The following SASH1 variants were observed in gnomAD, a reference collection of about 807,000 sequenced individuals.
SASH1 encodes SAM and SH3 domain containing 1, also known as SAM and SH3 domain-containing protein 1.
SASH1 carries 44 observed loss-of-function variants against 125.2 expected under a neutral mutation model. The ratio of observed to expected loss-of-function variants is 0.35; its 90% CI spans 0.28 to 0.45. SASH1 has a LOEUF of 0.45. SASH1 is among the 20% of genes least tolerant of loss of function. SASH1 has a pLI of 1.00. For missense variants in SASH1, 1,426 were observed against 1,614.5 expected (o/e 0.88, Z 2.00); for synonymous variants, 639 against 649.1 (o/e 0.98, Z 0.24).
At chr6:148,475,993 T>A (rs1416497444) in intron 7 of SASH1, among the ~76,000 whole-genome samples, 4 of 152,146 alleles carry the variant, frequency 2.6e-5, no homozygotes, top group Admixed American at 2.6e-4. Flanking sequence ...TTCCACATAG[T>A]ACTGAAAGTC....
intron 1 of SASH1, among the ~76,000 whole-genome samples, chr6:148,380,461 C>A (rs1481427985): frequency 6.6e-6 from 1 of 152,162 alleles, no homozygotes; most frequent in Non-Finnish European, 1.5e-5. Context: ...AGAGAAAACC[C>A]AGTGTGATTC....
intron 1 of SASH1, among the ~76,000 whole-genome samples, chr6:148,369,966 C>CAAAAAAAAAAAAAA (rs562924566): frequency 2.9e-3 from 272 of 93,556 alleles, no homozygotes; most frequent in Middle Eastern, 0.012. Context: ...AAAAGAAAAA[C>CAAAAAAAAAAAAAA]AAAAAAAAAA....
the SASH1 span, among the ~76,000 whole-genome samples, chr6:148,194,370 T>C: frequency 1.4e-4 from 21 of 152,254 alleles, no homozygotes; most frequent in Non-Finnish European, 2.8e-4. Flanking sequence ...TCTCATAGCA[T>C]AAAATTTCAT....
At chr6:148,524,119 A>T (rs60346090) in intron 10 of SASH1, among the ~76,000 whole-genome samples, 66,011 of 124,660 alleles carry the variant, frequency 0.53, 16,594 homozygotes, top group East Asian at 0.65. Context: ...ATATATATAT[A>T]TATTTTTTTT....
At chr6:148,472,884 T>TA (rs1299195363) in intron 6 of SASH1, among the ~76,000 whole-genome samples, 2 of 152,140 alleles carry the variant, frequency 1.3e-5, no homozygotes, top group African/African-American at 4.8e-5. Context: ...TGGAAGCTGG[T>TA]AAAAAGTATG....
chr6:148,537,990 C>A (rs981892606), intron 16 of SASH1, among the ~76,000 whole-genome samples: 1 of 152,114 alleles, frequency 6.6e-6, no homozygotes, highest in African/African-American at 2.4e-5. Context: ...TTCCTTCTTA[C>A]CTTTTGTACC....
rs149141793 is a variant in SASH1, at chr6:148,440,157, G to A, written c.286-27G>A. On this transcript the variant is annotated intron_variant, in intron 2 of 19. Transcript: ENST00000367467. The stretch of plus-strand genomic sequence containing the variant: ...CGCGTGTGACATGTTTGGAAGTCCC[G>A]TTAAACTGGCATCTGTTCTGTTTTA... 167 of 1,612,580 alleles carry A rather than the reference G, an allele frequency of 1.0e-4. No homozygotes were observed. The African/African-American group carries it at 1.4e-3, about 14-fold the overall frequency.
At chr6:148,446,862 C>A (rs748185934) in intron 4 of SASH1, among the ~76,000 whole-genome samples, 5 of 152,176 alleles carry the variant, frequency 3.3e-5, no homozygotes, top group Non-Finnish European at 7.3e-5. Context: ...TACTAAGAAG[C>A]AGTACACAGA....
At chr6:148,443,730 G>A (rs948685128) in intron 4 of SASH1, among the ~76,000 whole-genome samples, 3 of 151,996 alleles carry the variant, frequency 2.0e-5, no homozygotes, top group African/African-American at 7.2e-5. Context: ...TTTTAAAGAT[G>A]TATCACCCTG....
intron 6 of SASH1, 56 bp downstream of exon 6, chr6:148,471,559 TC>T: frequency 9.6e-7 from 1 of 1,047,020 alleles, no homozygotes; most frequent in Non-Finnish European, 1.5e-6. Context: ...ATGGGAAGAA[TC>T]CTATGCGGCT....
At chr6:148,381,971 C>A (rs962403590) in intron 1 of SASH1, among the ~76,000 whole-genome samples, 3 of 152,118 alleles carry the variant, frequency 2.0e-5, no homozygotes, top group Non-Finnish European at 4.4e-5. Context: ...ATGTGATATC[C>A]TTTAAACAAA....
chr6:148,431,388 A>T (rs1479230654), intron 2 of SASH1, among the ~76,000 whole-genome samples: 2 of 151,820 alleles, frequency 1.3e-5, no homozygotes, highest in African/African-American at 4.8e-5. Flanking sequence ...TAGAAGAGAT[A>T]GGGTTTCACC....
chr6:148,335,222 C>T (rs565097937), intron 1 of SASH1, among the ~76,000 whole-genome samples: 5 of 151,148 alleles, frequency 3.3e-5, no homozygotes, highest in African/African-American at 9.7e-5. Context: ...CATTTGAACC[C>T]GGGAAGCAGA....
At chr6:148,346,541 T>G (rs1283728039) in intron 1 of SASH1, among the ~76,000 whole-genome samples, 1 of 151,646 alleles carries the variant, frequency 6.6e-6, no homozygotes, top group African/African-American at 2.4e-5. Flanking sequence ...AGGGTCAGTG[T>G]CTTACTCATT....
At chr6:148,308,578 T>C (rs936473850) in intron 1 of SASH1, among the ~76,000 whole-genome samples, 2 of 151,310 alleles carry the variant, frequency 1.3e-5, no homozygotes, top group Admixed American at 6.6e-5. Flanking sequence ...GTATTTTTAG[T>C]AGAGATAGGG....
At chr6:148,322,647 T>G (rs1486592743) in intron 1 of SASH1, among the ~76,000 whole-genome samples, 2 of 152,196 alleles carry the variant, frequency 1.3e-5, no homozygotes, top group Non-Finnish European at 2.9e-5. Context: ...TCTCTTGCTT[T>G]GGACACTGCG....
the SASH1 span, among the ~76,000 whole-genome samples, chr6:148,239,140 C>T: frequency 4.6e-5 from 7 of 152,114 alleles, no homozygotes; most frequent in Non-Finnish European, 7.4e-5. Flanking sequence ...TAGGGCTTTG[C>T]GCTCACTGAT....
At chr6:148,464,924 A>G (rs1777766202) in intron 4 of SASH1, among the ~76,000 whole-genome samples, 1 of 152,206 alleles carries the variant, frequency 6.6e-6, no homozygotes. Context: ...TAAAGAAACT[A>G]CAGTGCCATC....
At chr6:148,354,784 A>T (rs950752594) in intron 1 of SASH1, among the ~76,000 whole-genome samples, 3 of 152,136 alleles carry the variant, frequency 2.0e-5, no homozygotes, top group African/African-American at 7.2e-5. Context: ...TTCCCGCGAG[A>T]TGGAGTCTTG....
Sources: allele counts gnomAD v4.1 joint callset (sites outside exome capture counted in the v4.1 genomes callset), GRCh38; gene constraint gnomAD v4.1.1; transcripts MANE v1.5; gene names NCBI Gene and HGNC (gene_info 2026-07-23, HGNC 2026-07-21).